Variants in MACF1 observed in about 807,000 individuals in gnomAD.
MACF1 encodes microtubule actin crosslinking factor 1.
In MACF1, 193 loss-of-function variants were observed where a neutral mutation model predicts 854.8. The observed-to-expected ratio is 0.23, with a 90% CI of 0.20 to 0.25. The LOEUF (loss-of-function observed/expected upper bound fraction) is 0.25. Ranked by LOEUF, MACF1 falls within the 10% of genes least tolerant of loss-of-function variation. The pLI, the probability that MACF1 is intolerant of heterozygous loss-of-function variation, is 1.00. For synonymous variants in MACF1, 3,185 were observed against 3,226.7 expected (o/e 0.99, Z 0.44); for missense variants, 7,722 against 8,929.1 (o/e 0.86, Z 5.45).
intron 36 of MACF1, among the ~76,000 whole-genome samples, chr1:39,330,308 C>T (rs939684614): frequency 2.0e-5 from 3 of 152,188 alleles, no homozygotes; most frequent in Non-Finnish European, 4.4e-5. Flanking sequence ...GAGTATCCCA[C>T]TTGCTAAATA....
Position 39,442,923 on chromosome 1 carries a change from A to G in MACF1, c.19302+12A>G. 1 of 1,611,374 alleles carries G rather than the reference A, an allele frequency of 6.2e-7. No homozygotes were observed. The highest frequency in any genetic ancestry group is 8.5e-7 in the Non-Finnish European group (1 of 1,178,574). On this transcript the variant is annotated intron_variant, in intron 78 of 100. Coordinates refer to ENST00000564288, the MANE Select transcript of MACF1 (RefSeq NM_001394062.1). The stretch of plus-strand genomic sequence containing the variant: ...CAACTCTGCAGCAGGTACATGTGAC[A>G]TCCAAGTAAGGTAGGAAGAGCTATA...
intron 11 of MACF1, 146 bp from the exon 12 acceptor site, chr1:39,284,937 A>ATATT (rs1388668159): frequency 9.0e-7 from 1 of 1,107,330 alleles, no homozygotes; most frequent in African/African-American, 1.6e-5. Flanking sequence ...AACCTGATAC[A>ATATT]TATTTGATTG....
chr1:39,355,545 C>T (rs1569665212), intron 44 of MACF1, among the ~76,000 whole-genome samples: 2 of 135,544 alleles, frequency 1.5e-5, no homozygotes, highest in Admixed American at 8.1e-5. Flanking sequence ...CGGCTCACTG[C>T]AACCTCTGCC....
intron 2 of MACF1, among the ~76,000 whole-genome samples, chr1:39,101,374 G>A (rs141380512): frequency 8.1e-6 from 1 of 124,118 alleles, no homozygotes; most frequent in Admixed American, 8.9e-5. Context: ...AAAAAAATAT[G>A]TATATATATA....
At chr1:39,390,284 C>T (rs1033879539) in intron 58 of MACF1, among the ~76,000 whole-genome samples, 1 of 152,182 alleles carries the variant, frequency 6.6e-6, no homozygotes, top group Non-Finnish European at 1.5e-5. Context: ...TGCTTGCCAG[C>T]GTTATTTATC....
At chr1:39,366,943 C>CTT (rs138556133) in intron 49 of MACF1, among the ~76,000 whole-genome samples, 69 of 92,974 alleles carry the variant, frequency 7.4e-4, no homozygotes, top group African/African-American at 2.4e-3. Flanking sequence ...CATGCCTGGC[C>CTT]TTTTTTTTTT....
intron 2 of MACF1, among the ~76,000 whole-genome samples, chr1:39,232,329 C>T (rs766851029): frequency 7.9e-5 from 12 of 152,034 alleles, no homozygotes; most frequent in Admixed American, 2.0e-4. Flanking sequence ...TTGCCCTATC[C>T]AGTAGCCTAG....
chr1:39,267,685 C>A (rs1645250037), intron 6 of MACF1, among the ~76,000 whole-genome samples: 1 of 152,208 alleles, frequency 6.6e-6, no homozygotes, highest in East Asian at 1.9e-4. Context: ...TTAGCAGTGG[C>A]AGCATCAATA....
chr1:39,219,173 G>T (rs1644618095), intron 1 of MACF1, among the ~76,000 whole-genome samples: 1 of 152,144 alleles, frequency 6.6e-6, no homozygotes, highest in Admixed American at 6.5e-5. Flanking sequence ...TACTTTCTCA[G>T]CCTACACCAG....
rs1644272189 is a variant in MACF1, at chr1:39,448,486, A to G, written c.20089-108A>G. The G allele has an allele frequency of 3.5e-6, 3 of 865,348 alleles. No individual in the cohort carries two copies. The Admixed American group carries it at 9.8e-5, about 28-fold the overall frequency. The allele number at this position is 865,348 out of a possible 1,614,324, so 53.6% of individuals were successfully genotyped here. On this transcript the variant is annotated intron_variant, in intron 83 of 100. Transcript: ENST00000564288. ...TAATTTTAGTTCAAAAAAAGTGGTG[A>G]TATTCATACTTTATTTGGTTTCTAG...
At chr1:39,408,940 G>A (rs1035048173) in intron 58 of MACF1, among the ~76,000 whole-genome samples, 31 of 148,442 alleles carry the variant, frequency 2.1e-4, no homozygotes, top group African/African-American at 7.8e-4. Flanking sequence ...CGCCCCCGCC[G>A]GGCCCCGCCC....
Position 39,331,969 on chromosome 1 carries a change from T to C in MACF1, c.5381T>C (p.Leu1794Pro). 1 of 1,614,058 alleles carries C rather than the reference T, an allele frequency of 6.2e-7. No homozygotes were observed. Among genetic ancestry groups the C allele is most frequent in the South Asian group, 1.1e-5 (1 of 91,076 alleles). ...GTGGAAGAGGCTGTAAGACATAATC[T>C]GATTGACCAAGATATGGCCTGTGCT... ...LTVEEAVRHN[L>P]IDQDMACAIL... Residue 1794 changes from leucine (L) to proline (P), a missense_variant, in exon 37 of 101, where the codon CTG becomes CCG. By Grantham distance (98) the Leu-to-Pro change is moderately conservative. Coordinates refer to ENST00000564288, the MANE Select transcript of MACF1 (RefSeq NM_001394062.1).
At chr1:39,429,409 C>A in intron 64 of MACF1, 83 bp downstream of exon 64, 1 of 784,714 alleles carries the variant, frequency 1.3e-6, no homozygotes, top group South Asian at 1.6e-5. Context: ...CCTGCCTTAG[C>A]CTCTTCTTTA....
chr1:39,452,859 G>T (rs370707514), intron 87 of MACF1, 47 bp downstream of exon 87: 137 of 1,598,560 alleles, frequency 8.6e-5, no homozygotes, highest in Middle Eastern at 1.7e-4. Context: ...CTACCACCTT[G>T]AGGGCTGCCT....
chr1:39,412,526 A>G, intron 58 of MACF1: 3 of 1,614,016 alleles, frequency 1.9e-6, no homozygotes, highest in East Asian at 2.2e-5. Flanking sequence ...CTCCAGAGGA[A>G]GTCCCCAGAG....
chr1:39,385,799 C>G lies in MACF1; in HGVS notation c.14214C>G (p.His4738Gln), dbSNP rs1162119383. The change falls in exon 57 of 101, where the codon CAC becomes CAG. Residue 4738 changes from histidine to glutamine, a missense_variant. His to Gln is a conservative substitution (Grantham distance 24, BLOSUM62 0). This residue lies in a region of MACF1 where 2,807 missense variants were observed against 3,235.8 expected (regional missense o/e 0.87). Transcript: ENST00000564288. ...GATCTGACTTGGAGCAGTTAGACCA[C>G]GAGGTTAAGGAGGCTCAGACACTGT... ...EIRSDLEQLD[H>Q]EVKEAQTLCD... 5 of 1,614,008 alleles carry G rather than the reference C, an allele frequency of 3.1e-6. No homozygotes were observed. Among genetic ancestry groups the G allele is most frequent in the African/African-American group, 2.7e-5 (2 of 74,898 alleles).
rs1387218233 is a variant in MACF1, at chr1:39,205,005, G to A, written c.-18G>A. 1 of 702,928 alleles carries A rather than the reference G, an allele frequency of 1.4e-6. No homozygotes were observed. The highest frequency in any genetic ancestry group is 2.6e-6 in the Non-Finnish European group (1 of 384,954). The allele number at this position is 702,928 out of a possible 1,614,324, so 43.5% of individuals were successfully genotyped here. A position where few individuals can be genotyped will look rare whatever the true frequency, so the allele number is the denominator to read the frequency against. On this transcript the variant is annotated 5_prime_UTR_variant, in exon 1 of 101. Transcript: ENST00000564288. The stretch of plus-strand genomic sequence containing the variant: ...AGCTTGTGGCTAACTCAAGGGAGGA[G>A]AAAGGACGGGCCTGGAAATGCCCCT...
intron 2 of MACF1, among the ~76,000 whole-genome samples, chr1:39,106,320 T>G (rs72660086): frequency 0.16 from 24,757 of 152,032 alleles, 2,539 homozygotes; most frequent in Middle Eastern, 0.24. Context: ...GGGGTCTGTT[T>G]TTTTCCTCCC....
rs1488405519 is a variant in MACF1, at chr1:39,442,525, T to C, written c.19062T>C (p.Ser6354=). The stretch of plus-strand genomic sequence containing the variant: ...TGTTAGATGCTCAGAGACCAATAAG[T>C]GGAGACCCAAAAGTCATTGAAGTTG... ...EELLDAQRPI[S]GDPKVIEVEL... Residue 6354 remains serine, a synonymous_variant, in exon 77 of 101, where the codon AGT becomes AGC. Coordinates refer to ENST00000564288, the MANE Select transcript of MACF1 (RefSeq NM_001394062.1). The C allele has an allele frequency of 6.2e-7, 1 of 1,614,136 alleles. No individual in the cohort carries two copies. The highest frequency in any genetic ancestry group is 1.1e-5 in the South Asian group (1 of 91,086).
Sources: allele counts gnomAD v4.1 joint callset (sites outside exome capture counted in the v4.1 genomes callset), GRCh38; gene constraint gnomAD v4.1.1; regional missense constraint gnomAD v4.1.1; transcripts MANE v1.5; gene names NCBI Gene and HGNC (gene_info 2026-07-23, HGNC 2026-07-21).